The following TLN2 variants were observed in gnomAD, a reference collection of about 807,000 sequenced individuals.
TLN2 encodes the protein talin 2, also known as talin-2.
Under a neutral mutation model 294.7 loss-of-function variants are expected in TLN2, and 118 were observed. The observed-to-expected ratio is 0.40, with a 90% CI of 0.34 to 0.47. The LOEUF (loss-of-function observed/expected upper bound fraction) is 0.47. Ranked by LOEUF, TLN2 falls within the 20% of genes least tolerant of loss-of-function variation. TLN2 has a pLI of 0.84. For synonymous variants in TLN2, 1,431 were observed against 1,304.5 expected, an observed-to-expected ratio of 1.10 and a Z score of -2.09; for missense variants, 3,083 against 3,282.2, an observed-to-expected ratio of 0.94 and a Z score of 1.48.
At chr15:62,686,980 AG>A (rs926198256) in intron 12 of TLN2, among the ~76,000 whole-genome samples, 184 bp downstream of exon 12, 33 of 152,346 alleles carry the variant, frequency 2.2e-4, no homozygotes, top group African/African-American at 7.9e-4. Flanking sequence ...AAGAGAGGTC[AG>A]CAAGCCTGGG....
intron 1 of TLN2, among the ~76,000 whole-genome samples, chr15:62,463,331 G>C (rs2036919838): frequency 6.6e-6 from 1 of 152,130 alleles, no homozygotes; most frequent in Non-Finnish European, 1.5e-5. Context: ...TTGGATATGA[G>C]TGGTGAGAAC....
chr15:62,545,714 G>A (rs2041959867), intron 1 of TLN2, among the ~76,000 whole-genome samples: 1 of 152,162 alleles, frequency 6.6e-6, no homozygotes, highest in South Asian at 2.1e-4. Flanking sequence ...TGCTCTGTGT[G>A]CATTGGTGAA....
intron 1 of TLN2, among the ~76,000 whole-genome samples, chr15:62,550,966 T>C (rs1459196210): frequency 1.3e-5 from 2 of 152,172 alleles, no homozygotes; most frequent in Non-Finnish European, 2.9e-5. Flanking sequence ...TAACTCACCA[T>C]AATGTAGAAT....
chr15:62,513,625 A>G (rs2040041480), intron 1 of TLN2, among the ~76,000 whole-genome samples: 1 of 152,154 alleles, frequency 6.6e-6, no homozygotes, highest in Non-Finnish European at 1.5e-5. Flanking sequence ...ATGGCCCATC[A>G]TTCTTCCCCT....
chr15:62,711,013 A>T (rs1408022841), intron 21 of TLN2, among the ~76,000 whole-genome samples: 7 of 151,836 alleles, frequency 4.6e-5, no homozygotes, highest in Admixed American at 1.3e-4. Context: ...GGCGTGAGCC[A>T]CCGCGCCTGG....
At chr15:62,720,702 C>T (rs1399483242) in intron 25 of TLN2, among the ~76,000 whole-genome samples, 2 of 149,502 alleles carry the variant, frequency 1.3e-5, no homozygotes, top group African/African-American at 2.5e-5. Context: ...AATTGGTATT[C>T]ATTGTATATA....
chr15:62,822,867 G>T (rs1269591799), intron 54 of TLN2, among the ~76,000 whole-genome samples: 1 of 152,180 alleles, frequency 6.6e-6, no homozygotes, highest in Non-Finnish European at 1.5e-5. Flanking sequence ...AGTAGGGAAT[G>T]TACAAGAATG....
intron 43 of TLN2, among the ~76,000 whole-genome samples, chr15:62,777,301 C>T (rs927068678): frequency 6.6e-6 from 1 of 152,224 alleles, no homozygotes; most frequent in Non-Finnish European, 1.5e-5. Flanking sequence ...CTTTGGGAGG[C>T]CAAGGCGGGC....
intron 45 of TLN2, among the ~76,000 whole-genome samples, chr15:62,792,108 G>A (rs1291761632): frequency 6.6e-6 from 1 of 152,120 alleles, no homozygotes; most frequent in African/African-American, 2.4e-5. Context: ...TGGGGAAGGG[G>A]GTGTTCTAGT....
At chr15:62,713,896 C>CCATA (rs997458255) in intron 22 of TLN2, among the ~76,000 whole-genome samples, 29 of 21,050 alleles carry the variant, frequency 1.4e-3, no homozygotes, top group Middle Eastern at 0.029. Flanking sequence ...CTTCTTTAAG[C>CCATA]CATATATATA....
At chr15:62,516,705 G>T (rs1047556146) in intron 1 of TLN2, among the ~76,000 whole-genome samples, 12 of 152,178 alleles carry the variant, frequency 7.9e-5, no homozygotes, top group African/African-American at 2.9e-4. Flanking sequence ...CAGCTTAATT[G>T]GACAGAAGCT....
At chr15:62,569,083 T>C (rs533387874) in intron 1 of TLN2, among the ~76,000 whole-genome samples, 2 of 152,320 alleles carry the variant, frequency 1.3e-5, no homozygotes, top group Admixed American at 1.3e-4. Flanking sequence ...CTTGTGTCTG[T>C]GTCACGCCGC....
At chr15:62,688,251 G>A (rs74736173) in intron 12 of TLN2, among the ~76,000 whole-genome samples, 21 of 152,218 alleles carry the variant, frequency 1.4e-4, no homozygotes, top group South Asian at 6.2e-4. Flanking sequence ...CCCATTATAC[G>A]TAGTGATTTT....
intron 1 of TLN2, among the ~76,000 whole-genome samples, chr15:62,482,800 G>A (rs1004610821): frequency 1.3e-4 from 20 of 152,072 alleles, no homozygotes; most frequent in African/African-American, 4.8e-4. Context: ...CAGACCCAGC[G>A]GTGGCCAGGA....
At chr15:62,778,986 C>T (rs1336124764) in intron 43 of TLN2, among the ~76,000 whole-genome samples, 1 of 152,216 alleles carries the variant, frequency 6.6e-6, no homozygotes, top group Non-Finnish European at 1.5e-5. Flanking sequence ...AGAAAGCTGG[C>T]ATAGTCTCTC....
intron 1 of TLN2, among the ~76,000 whole-genome samples, chr15:62,513,454 C>T (rs1015389184): frequency 1.3e-5 from 2 of 152,240 alleles, no homozygotes; most frequent in African/African-American, 4.8e-5. Flanking sequence ...TTAGAACTTT[C>T]TGCTCTGTTG....
chr15:62,432,602 A>T (rs113688843), intron 1 of TLN2, among the ~76,000 whole-genome samples: 1 of 152,232 alleles, frequency 6.6e-6, no homozygotes, highest in African/African-American at 2.4e-5. Flanking sequence ...AACCGGAGGC[A>T]TGCTAATGTG....
chr15:62,553,189 T>C (rs1160466891), intron 1 of TLN2, among the ~76,000 whole-genome samples: 2 of 152,162 alleles, frequency 1.3e-5, no homozygotes, highest in Non-Finnish European at 2.9e-5. Flanking sequence ...ATTTTGCATT[T>C]TTCATATTAT....
At chr15:62,500,339 A>G (rs1296354907) in intron 1 of TLN2, among the ~76,000 whole-genome samples, 1 of 152,194 alleles carries the variant, frequency 6.6e-6, no homozygotes, top group African/African-American at 2.4e-5. Flanking sequence ...ACTCCATCTC[A>G]AAAAATAAAT....
Sources: allele counts gnomAD v4.1 joint callset (sites outside exome capture counted in the v4.1 genomes callset), GRCh38; gene constraint gnomAD v4.1.1; transcripts MANE v1.5; gene names NCBI Gene and HGNC (gene_info 2026-07-23, HGNC 2026-07-21).